Variants in ADD2 observed in about 807,000 individuals in gnomAD.
ADD2 encodes the protein beta-adducin.
ADD2 carries 23 observed loss-of-function variants against 83.0 expected under a neutral mutation model. The observed-to-expected ratio is 0.28, with a 90% CI of 0.20 to 0.39. The LOEUF (loss-of-function observed/expected upper bound fraction) is 0.39, where lower values mean the gene tolerates loss of function less well. ADD2 is among the 10% of genes least tolerant of loss of function. The pLI is 1.00. For synonymous variants in ADD2, 375 were observed against 375.4 expected (o/e 1.00, Z 0.01); for missense variants, 758 against 944.9 (o/e 0.80, Z 2.59).
intron 10 of ADD2, 143 bp downstream of exon 10, chr2:70,683,448 A>C (rs944759265): frequency 2.0e-5 from 19 of 938,654 alleles, no homozygotes; most frequent in African/African-American, 3.3e-5. Context: ...ACACATTCTA[A>C]ATCAAATTTC....
intron 1 of ADD2, among the ~76,000 whole-genome samples, chr2:70,726,157 A>T: frequency 7.8e-6 from 1 of 127,572 alleles, no homozygotes; most frequent in East Asian, 2.5e-4. Flanking sequence ...ACGGCACTCC[A>T]GCCTGGGCGA....
chr2:70,673,501 T>G (rs1354571187), intron 14 of ADD2, among the ~76,000 whole-genome samples: 1 of 152,248 alleles, frequency 6.6e-6, no homozygotes, highest in Non-Finnish European at 1.5e-5. Flanking sequence ...ACATTTTCTG[T>G]CCAAACAATC....
At chr2:70,726,860 A>C (rs186718488) in intron 1 of ADD2, among the ~76,000 whole-genome samples, 1 of 152,300 alleles carries the variant, frequency 6.6e-6, no homozygotes, top group African/African-American at 2.4e-5. Context: ...TACGAAATCC[A>C]ACACAGGAAT....
rs1675508128 is a variant in ADD2 at position 70,768,132 on chromosome 2, C to T, written c.-400G>A. 1.5e-6 allele frequency: 1 copy of T among 658,410 alleles called. No homozygotes were observed. Among genetic ancestry groups the T allele is most frequent in the Non-Finnish European group, 2.6e-6 (1 of 390,182 alleles). 40.8% of individuals were successfully genotyped at this position (658,410 alleles called of 1,614,324 possible). A position where few individuals can be genotyped will look rare whatever the true frequency, so the allele number is the denominator to read the frequency against. On this transcript the variant is annotated 5_prime_UTR_variant, in exon 1 of 16. Transcript: ENST00000264436. The stretch of plus-strand genomic sequence containing the variant: ...GTTCCTTGACAAAAGGCTCGGGTTC[C>T]CGCTAGTCCCTCACAGCCCTGCCGT...
chr2:70,664,233 C>G (rs1363906119), intron 15 of ADD2, among the ~76,000 whole-genome samples: 2 of 152,210 alleles, frequency 1.3e-5, no homozygotes, highest in African/African-American at 4.8e-5. Context: ...AATATCTTCC[C>G]AGTAGGCAGA....
At chr2:70,735,503 C>T (rs1673496354) in intron 1 of ADD2, among the ~76,000 whole-genome samples, 2 of 152,046 alleles carry the variant, frequency 1.3e-5, no homozygotes, top group Admixed American at 6.5e-5. Context: ...CAGCTACCTC[C>T]ATGCCTTTTT....
rs1675545526 is a variant in ADD2, at chr2:70,661,805, G to C, written c.*1620C>G. The C allele has an allele frequency of 6.6e-6, 1 of 152,208 alleles. No homozygotes were observed. Among genetic ancestry groups the C allele is most frequent in the Admixed American group, 6.5e-5 (1 of 15,284 alleles). 9.4% of individuals were successfully genotyped at this position (152,208 alleles called of 1,614,324 possible). A position where few individuals can be genotyped will look rare whatever the true frequency, so the allele number is the denominator to read the frequency against. On this transcript the variant is annotated 3_prime_UTR_variant, in exon 16 of 16. Transcript: ENST00000264436. ...ACCACCACCCCTGGGGATTAAAGTT[G>C]TCTGTTCACCATAGCTGTTAAGAGC...
intron 10 of ADD2, among the ~76,000 whole-genome samples, chr2:70,679,953 T>C (rs1553369253): frequency 6.6e-6 from 1 of 152,220 alleles, no homozygotes; most frequent in Non-Finnish European, 1.5e-5. Flanking sequence ...AAATTAAGAA[T>C]ATTAATTTTT....
chr2:70,703,425 A>C (rs782748680), intron 4 of ADD2, among the ~76,000 whole-genome samples: 1 of 152,206 alleles, frequency 6.6e-6, no homozygotes, highest in Non-Finnish European at 1.5e-5. Flanking sequence ...TGGGCACTCT[A>C]CCGCATTACT....
At chr2:70,750,557 A>G (rs1674458309) in intron 1 of ADD2, among the ~76,000 whole-genome samples, 2 of 152,214 alleles carry the variant, frequency 1.3e-5, no homozygotes, top group Non-Finnish European at 2.9e-5. Context: ...TGACAGAGGT[A>G]GAGACTGGAT....
chr2:70,663,271 G>A lies in ADD2; in HGVS notation c.*154C>T, dbSNP rs887009446. On this transcript the variant is annotated 3_prime_UTR_variant, in exon 16 of 16. Coordinates refer to ENST00000264436, the MANE Select transcript of ADD2 (RefSeq NM_001617.4). ...GATTTCTCTTGGGCAACTGTAAAACGAAGGGTTGGTCGGGTGATCTCTAAG... is the reference window on the plus strand; with the variant it reads ...GATTTCTCTTGGGCAACTGTAAAACAAAGGGTTGGTCGGGTGATCTCTAAG... The A allele has an allele frequency of 2.2e-5, 19 of 864,462 alleles. No homozygotes were observed. In the East Asian group the frequency reaches 3.3e-4, roughly 15 times the overall value. The allele number at this position is 864,462 out of a possible 1,614,324, so 53.5% of individuals were successfully genotyped here.
chr2:70,659,997 TC>T lies in ADD2; in HGVS notation c.*3427del, dbSNP rs1675486661. 6.6e-6 allele frequency: 1 copy of T among 152,202 alleles called. No homozygotes were observed. Among genetic ancestry groups the T allele is most frequent in the Non-Finnish European group, 1.5e-5 (1 of 68,030 alleles). The allele number at this position is 152,202 out of a possible 1,614,324, so 9.4% of individuals were successfully genotyped here. A position where few individuals can be genotyped will look rare whatever the true frequency, so the allele number is the denominator to read the frequency against. ...AGACATGAACCTACTGCCCACCAAA[TC>T]TGAGCTCTTGAATACACATTTTCTC... is the stretch of plus-strand genomic sequence containing the variant. On this transcript the variant is annotated 3_prime_UTR_variant, in exon 16 of 16. Transcript: ENST00000264436.
intron 1 of ADD2, among the ~76,000 whole-genome samples, chr2:70,766,374 C>T (rs995003230): frequency 5.9e-5 from 9 of 152,170 alleles, no homozygotes; most frequent in Non-Finnish European, 8.8e-5. Flanking sequence ...AAAGTTTGAT[C>T]ACATTACACA....
chr2:70,704,801 G>A (rs947861816), intron 3 of ADD2, among the ~76,000 whole-genome samples: 2 of 152,178 alleles, frequency 1.3e-5, no homozygotes, highest in Admixed American at 6.5e-5. Context: ...TTTTTAGGCA[G>A]AACTGAATGG....
chr2:70,679,067 T>C (rs1670328210), intron 10 of ADD2, 106 bp from the exon 11 acceptor site: 3 of 1,337,346 alleles, frequency 2.2e-6, no homozygotes, highest in South Asian at 1.5e-5. Flanking sequence ...GGACTCTTCA[T>C]GTAAACCCAA....
intron 11 of ADD2, 46 bp downstream of exon 11, chr2:70,678,658 G>A: frequency 6.6e-7 from 1 of 1,509,794 alleles, no homozygotes; most frequent in Non-Finnish European, 8.8e-7. Flanking sequence ...CCCTGCTAAT[G>A]CAGCCTGCCC....
rs1371503703 is a variant in ADD2, at chr2:70,696,269, G to A, written c.450C>T (p.Ala150=). 2.5e-6 allele frequency: 4 copies of A among 1,613,240 alleles called. No homozygotes were observed. Among genetic ancestry groups the A allele is most frequent in the Admixed American group, 1.7e-5 (1 of 59,898 alleles). ...CCGTGACATAGGTGTCACTCAGCTG[G>A]GCCCAGCCATAGAGGTCCAGGAGTC... is the stretch of plus-strand genomic sequence containing the variant. The part of the protein sequence containing the change: ...VYRLLDLYGW[A]QLSDTYVTLR... The change falls in exon 5 of 16, where the codon GCC becomes GCT. Residue 150 remains alanine (A), a synonymous_variant. Coordinates refer to ENST00000264436, the MANE Select transcript of ADD2 (RefSeq NM_001617.4).
intron 9 of ADD2, among the ~76,000 whole-genome samples, chr2:70,686,743 C>T (rs1553370581): frequency 1.3e-5 from 2 of 152,140 alleles, no homozygotes; most frequent in Non-Finnish European, 2.9e-5. Flanking sequence ...TTTGGTTGGG[C>T]AGCAGCCGGA....
intron 4 of ADD2, among the ~76,000 whole-genome samples, chr2:70,700,801 T>C (rs1671548943): frequency 6.6e-6 from 1 of 152,100 alleles, no homozygotes; most frequent in South Asian, 2.1e-4. Flanking sequence ...ATATTGTAAA[T>C]GACTCATAAT....
Sources: gnomAD v4.1 joint callset for allele counts (sites outside exome capture counted in the v4.1 genomes callset) on GRCh38, gnomAD v4.1.1 for gene constraint, MANE v1.5 for transcripts, NCBI Gene and HGNC (gene_info 2026-07-23, HGNC 2026-07-21) for gene names.